KAT6B: variants seen among roughly 807,000 people sequenced by gnomAD.
The protein encoded by KAT6B is lysine acetyltransferase 6B, also known as histone acetyltransferase KAT6B.
In KAT6B, 10 loss-of-function variants were observed where a neutral mutation model predicts 187.5. That is an observed-to-expected ratio of 0.05 (90% CI 0.03 to 0.09). The LOEUF (loss-of-function observed/expected upper bound fraction) is 0.09, where lower values mean the gene tolerates loss of function less well. Among genes scored for constraint, KAT6B ranks in the 10% least tolerant of loss-of-function variants. The pLI, the probability that KAT6B is intolerant of heterozygous loss-of-function variation, is 1.00. For synonymous variants in KAT6B, 861 were observed against 926.8 expected (o/e 0.93, Z 1.29); for missense variants, 1,952 against 2,558.9 (o/e 0.76, Z 5.12).
At chr10:74,977,764 A>C (rs1214891899) in intron 9 of KAT6B, among the ~76,000 whole-genome samples, 2 of 152,266 alleles carry the variant, frequency 1.3e-5, no homozygotes, top group East Asian at 3.8e-4. Context: ...ATAACAATTT[A>C]AAATCATTAA....
At chr10:74,987,134 C>T (rs1033347441) in intron 12 of KAT6B, among the ~76,000 whole-genome samples, 3 of 152,042 alleles carry the variant, frequency 2.0e-5, no homozygotes, top group Non-Finnish European at 2.9e-5. Flanking sequence ...AAAAAATAAG[C>T]ATGTTAAAAG....
chr10:74,839,832 G>A (rs532491718), intron 2 of KAT6B, among the ~76,000 whole-genome samples: 6 of 152,180 alleles, frequency 3.9e-5, no homozygotes, highest in Non-Finnish European at 8.8e-5. Flanking sequence ...GAAAGTGGTT[G>A]CACTGTGAAA....
At chr10:75,021,598 T>TG (rs1246319037) in intron 15 of KAT6B, among the ~76,000 whole-genome samples, 4 of 152,238 alleles carry the variant, frequency 2.6e-5, no homozygotes, top group Admixed American at 2.6e-4. Flanking sequence ...TTTATGAACT[T>TG]GCTTAAAGTG....
chr10:74,836,298 G>C (rs1841303702), intron 1 of KAT6B, among the ~76,000 whole-genome samples: 1 of 152,142 alleles, frequency 6.6e-6, no homozygotes, highest in South Asian at 2.1e-4. Context: ...GTACTTATTT[G>C]AGTATCTGTT....
At chr10:74,850,066 G>C (rs1280249992) in intron 3 of KAT6B, among the ~76,000 whole-genome samples, 1 of 152,048 alleles carries the variant, frequency 6.6e-6, no homozygotes, top group Non-Finnish European at 1.5e-5. Context: ...AGCCTCCTGA[G>C]TAGCTGGGAC....
chr10:74,966,865 A>G (rs1446595049), intron 4 of KAT6B, among the ~76,000 whole-genome samples: 2 of 152,104 alleles, frequency 1.3e-5, no homozygotes, highest in African/African-American at 2.4e-5. Context: ...ATCTCTACCA[A>G]AAAAATACAA....
intron 3 of KAT6B, among the ~76,000 whole-genome samples, chr10:74,861,033 A>G (rs1483253355): frequency 6.6e-6 from 1 of 152,108 alleles, no homozygotes; most frequent in Non-Finnish European, 1.5e-5. Context: ...GCTACTCGGG[A>G]GGCTGAGGCG....
Position 74,843,411 on chromosome 10 carries a change from C to A in KAT6B, c.554C>A (p.Pro185His), listed in dbSNP as rs1244803664. 1.2e-6 allele frequency: 2 copies of A among 1,613,872 alleles called. No homozygotes were observed. Among genetic ancestry groups the A allele is most frequent in the Non-Finnish European group, 1.7e-6 (2 of 1,179,978 alleles). ...NYGSLDGKGA[P>H]QYPSAFPSSL... Reference sequence around the variant, plus strand: ...GGGAGCTTAGATGGCAAAGGGGCACCTCAGTATCCCAGTGCATTCCCATCC... The same window carrying A: ...GGGAGCTTAGATGGCAAAGGGGCACATCAGTATCCCAGTGCATTCCCATCC... Residue 185 changes from proline (P) to histidine (H), a missense_variant, in exon 3 of 18, where the codon CCT becomes CAT. By Grantham distance (77) the Pro-to-His change is moderately conservative. Around this residue, in one of 9 missense-constraint regions of KAT6B, gnomAD observed 218 missense variants for 282.6 expected, o/e 0.77. Transcript: ENST00000287239.
intron 3 of KAT6B, among the ~76,000 whole-genome samples, chr10:74,921,108 A>ATTTTTT (rs10550175): frequency 8.2e-5 from 9 of 109,482 alleles, no homozygotes; most frequent in Non-Finnish European, 1.0e-4. Flanking sequence ...TGTAGTCTAA[A>ATTTTTT]TTTTTTTTTT....
At chr10:74,931,363 G>T (rs1035589344) in intron 3 of KAT6B, among the ~76,000 whole-genome samples, 6 of 130,222 alleles carry the variant, frequency 4.6e-5, no homozygotes, top group African/African-American at 2.5e-4. Flanking sequence ...TGAACTGACT[G>T]AAATCTCTGT....
Position 74,979,350 on chromosome 10 carries a change from A to T in KAT6B, c.2231+11A>T. The T allele has an allele frequency of 6.5e-7, 1 of 1,541,432 alleles. No individual in the cohort carries two copies. The highest frequency in any genetic ancestry group is 9.0e-7 in the Non-Finnish European group (1 of 1,113,682). ...ACAGGAATATGCAAGGTAATGGAAT[A>T]AGTCTGGCAGGTGTATAACTTGAAT... is the stretch of plus-strand genomic sequence containing the variant. On this transcript the variant is annotated intron_variant, in intron 10 of 17. Coordinates refer to ENST00000287239, the MANE Select transcript of KAT6B (RefSeq NM_012330.4).
rs1436067324 is a variant in KAT6B at position 74,829,160 on chromosome 10, A to G, written c.-329+2375A>G. Among the ~76,000 whole-genome samples the G allele has an allele frequency of 2.0e-5, 3 of 152,170 alleles. No individual in the cohort carries two copies. The East Asian group carries it at 5.8e-4, about 29-fold the overall frequency. On this transcript the variant is annotated intron_variant, in intron 1 of 17. Transcript: ENST00000287239. ...TAGGCTTCTGAGTAGAGTGGATATT[A>G]TGTCATTGCTATTATAGCATGTGTT...
intron 6 of KAT6B, among the ~76,000 whole-genome samples, chr10:74,970,935 A>G (rs1344793240): frequency 6.6e-6 from 1 of 152,142 alleles, no homozygotes; most frequent in Non-Finnish European, 1.5e-5. Context: ...GTAGAACTCC[A>G]TAGTATAGAG....
intron 3 of KAT6B, among the ~76,000 whole-genome samples, chr10:74,935,344 A>G (rs993429422): frequency 6.6e-6 from 1 of 152,158 alleles, no homozygotes; most frequent in African/African-American, 2.4e-5. Context: ...AAGTATTTAG[A>G]ATTATATCTT....
intron 3 of KAT6B, among the ~76,000 whole-genome samples, chr10:74,915,100 C>T (rs1847572106): frequency 6.6e-6 from 1 of 151,748 alleles, no homozygotes; most frequent in Non-Finnish European, 1.5e-5. Flanking sequence ...ACCTTGTTTC[C>T]TTTAAAAAAA....
intron 1 of KAT6B, chr10:74,827,060 T>A (rs1260519726): frequency 9.7e-6 from 1 of 103,082 alleles, no homozygotes; most frequent in African/African-American, 3.8e-5. Flanking sequence ...GGGGGCGGGG[T>A]TCGGGGAGTC....
chr10:74,991,221 T>C (rs564591588), intron 13 of KAT6B, among the ~76,000 whole-genome samples: 8 of 152,288 alleles, frequency 5.3e-5, no homozygotes, highest in African/African-American at 1.9e-4. Flanking sequence ...TAGGACAGTT[T>C]CCTTTATAAT....
intron 13 of KAT6B, among the ~76,000 whole-genome samples, chr10:74,989,317 A>T (rs1400574038): frequency 6.6e-6 from 1 of 152,216 alleles, no homozygotes; most frequent in Non-Finnish European, 1.5e-5. Context: ...GGAAATTGAG[A>T]CTAGATCTCT....
intron 3 of KAT6B, among the ~76,000 whole-genome samples, chr10:74,956,079 A>G (rs547436672): frequency 1.3e-5 from 2 of 152,080 alleles, no homozygotes; most frequent in East Asian, 3.9e-4. Context: ...ATGCGCCACC[A>G]TGCCTGCCTA....
Sources: allele counts gnomAD v4.1 joint callset (sites outside exome capture counted in the v4.1 genomes callset), GRCh38; gene constraint gnomAD v4.1.1; regional missense constraint gnomAD v4.1.1; transcripts MANE v1.5; gene names NCBI Gene and HGNC (gene_info 2026-07-23, HGNC 2026-07-21).